Variants in DTD1 observed in about 807,000 individuals in gnomAD.
The protein encoded by DTD1 is D-aminoacyl-tRNA deacylase 1, also known as D-tyrosyl-tRNA deacylase 1 homolog.
A neutral mutation model predicts 25.6 loss-of-function variants in DTD1; 13 were observed. That is an observed-to-expected ratio of 0.51 (90% CI 0.33 to 0.81). The LOEUF (loss-of-function observed/expected upper bound fraction) is 0.81. DTD1 is among the 30% of genes least tolerant of loss of function. The pLI is 0.02. For missense variants in DTD1, 193 were observed against 266.4 expected (o/e 0.72, Z 1.92); for synonymous variants, 110 against 103.6 (o/e 1.06, Z -0.37).
chr20:18,751,249 G>A (rs2122530500), intron 5 of DTD1, among the ~76,000 whole-genome samples: 1 of 152,192 alleles, frequency 6.6e-6, no homozygotes, highest in South Asian at 2.1e-4. Context: ...TATAAAACTA[G>A]CTGTGTCTCT....
At chr20:18,590,294 C>A (rs1358719632) in intron 1 of DTD1, among the ~76,000 whole-genome samples, 1 of 152,190 alleles carries the variant, frequency 6.6e-6, no homozygotes, top group Non-Finnish European at 1.5e-5. Context: ...CCTTTAGTTT[C>A]AGCATCCTGA....
intron 3 of DTD1, among the ~76,000 whole-genome samples, chr20:18,604,891 C>T (rs1175563986): frequency 1.4e-3 from 12 of 8,844 alleles, no homozygotes; most frequent in Non-Finnish European, 2.8e-3. Context: ...TCTCTCACCA[C>T]TCCTATTCAA....
At chr20:18,743,153 G>A (rs905699929) in intron 4 of DTD1, among the ~76,000 whole-genome samples, 2 of 152,180 alleles carry the variant, frequency 1.3e-5, no homozygotes, top group Non-Finnish European at 2.9e-5. Flanking sequence ...AACTATTCAG[G>A]GAAGAAGTGG....
intron 3 of DTD1, among the ~76,000 whole-genome samples, chr20:18,617,345 A>G (rs1439451309): frequency 6.7e-6 from 1 of 148,564 alleles, no homozygotes; most frequent in African/African-American, 2.4e-5. Context: ...AATATTAGAT[A>G]TATAATTTTT....
chr20:18,703,581 A>G (rs2061113942), intron 4 of DTD1, among the ~76,000 whole-genome samples: 1 of 150,238 alleles, frequency 6.7e-6, no homozygotes, highest in South Asian at 2.1e-4. Context: ...TTCTTTTTCC[A>G]TTTGTTTTTT....
intron 4 of DTD1, among the ~76,000 whole-genome samples, chr20:18,685,880 T>C (rs780394821): frequency 3.9e-5 from 6 of 152,208 alleles, no homozygotes; most frequent in Non-Finnish European, 8.8e-5. Context: ...TCCCCTGCAG[T>C]GTACACCAAG....
intron 1 of DTD1, among the ~76,000 whole-genome samples, chr20:18,591,111 C>G (rs2060587531): frequency 6.6e-6 from 1 of 152,112 alleles, no homozygotes; most frequent in Non-Finnish European, 1.5e-5. Context: ...GATTTTTTCC[C>G]TTGGTGATCC....
At chr20:18,588,559 C>T (rs1568637068) in intron 1 of DTD1, among the ~76,000 whole-genome samples, 1 of 152,174 alleles carries the variant, frequency 6.6e-6, no homozygotes, top group Non-Finnish European at 1.5e-5. Context: ...TTACGTATTC[C>T]AATTTTTATG....
chr20:18,603,619 C>T (rs1204934100), intron 3 of DTD1, among the ~76,000 whole-genome samples: 1 of 105,038 alleles, frequency 9.5e-6, no homozygotes, highest in East Asian at 2.3e-4. Flanking sequence ...GATTAAGAAT[C>T]TCACTCAAAG....
chr20:18,720,898 A>G (rs924531876), intron 4 of DTD1, among the ~76,000 whole-genome samples: 1 of 152,200 alleles, frequency 6.6e-6, no homozygotes. Context: ...GTATGATTCA[A>G]TTATGATTTC....
chr20:18,654,055 A>C (rs2060883401), intron 4 of DTD1, among the ~76,000 whole-genome samples: 1 of 152,162 alleles, frequency 6.6e-6, no homozygotes, highest in Non-Finnish European at 1.5e-5. Context: ...ATTTCTTTCC[A>C]ATTTATAATA....
At chr20:18,664,273 A>C (rs907508166) in intron 4 of DTD1, among the ~76,000 whole-genome samples, 2 of 152,128 alleles carry the variant, frequency 1.3e-5, no homozygotes, top group African/African-American at 4.8e-5. Context: ...TTTTTCCAAA[A>C]ATTTTTACTG....
rs1487855979 is a variant in DTD1 at position 18,593,602 on chromosome 20, C to T, written c.44-129C>T. 17 of 653,134 alleles carry T rather than the reference C, an allele frequency of 2.6e-5. No individual in the cohort carries two copies. In the East Asian group the frequency reaches 3.1e-4, roughly 12 times the overall value. 40.5% of individuals were successfully genotyped at this position (653,134 alleles called of 1,614,324 possible). The stretch of plus-strand genomic sequence containing the variant: ...ATGTAACTCTTTTCATTTTCGAATA[C>T]GTACTGACTTTAACCAAAGAAGTTA... On this transcript the variant is annotated intron_variant, in intron 1 of 5. Transcript: ENST00000377452.
intron 4 of DTD1, chr20:18,674,403 A>C (rs1290484561): frequency 6.6e-6 from 1 of 152,250 alleles, no homozygotes; most frequent in East Asian, 1.9e-4. Flanking sequence ...TTGAGAGTTA[A>C]ATAATTTTAC....
At chr20:18,712,276 A>G (rs2122479442) in intron 4 of DTD1, among the ~76,000 whole-genome samples, 1 of 152,132 alleles carries the variant, frequency 6.6e-6, no homozygotes, top group African/African-American at 2.4e-5. Context: ...TGTGCTCTCC[A>G]CAGGGATTAG....
At chr20:18,655,585 G>A (rs1193369815) in intron 4 of DTD1, among the ~76,000 whole-genome samples, 5 of 152,118 alleles carry the variant, frequency 3.3e-5, no homozygotes, top group Non-Finnish European at 5.9e-5. Context: ...AAGTGCATGG[G>A]CGTCCCTGTG....
intron 3 of DTD1, among the ~76,000 whole-genome samples, chr20:18,619,794 A>G (rs1459424724): frequency 3.9e-5 from 6 of 152,188 alleles, no homozygotes; most frequent in African/African-American, 9.6e-5. Flanking sequence ...TATCCCATAT[A>G]AATGTAAAGC....
chr20:18,595,141 T>C (rs563654102), intron 2 of DTD1, among the ~76,000 whole-genome samples: 12 of 152,312 alleles, frequency 7.9e-5, no homozygotes, highest in African/African-American at 2.6e-4. Flanking sequence ...TCTTCACATG[T>C]ATAGGGAAAG....
intron 4 of DTD1, among the ~76,000 whole-genome samples, chr20:18,708,651 C>T (rs1237297647): frequency 3.3e-5 from 5 of 151,810 alleles, no homozygotes; most frequent in African/African-American, 9.7e-5. Context: ...CCACTGCGCC[C>T]GGCCACGAAC....
Sources: allele counts gnomAD v4.1 joint callset (sites outside exome capture counted in the v4.1 genomes callset), GRCh38; gene constraint gnomAD v4.1.1; transcripts MANE v1.5; gene names NCBI Gene and HGNC (gene_info 2026-07-23, HGNC 2026-07-21).